Variants in SPRY3 observed in about 807,000 individuals in gnomAD.
SPRY3 encodes protein sprouty homolog 3.
Under a neutral mutation model 20.2 loss-of-function variants are expected in SPRY3, and 15 were observed. The observed-to-expected ratio is 0.74, with a 90% confidence interval of 0.50 to 1.14. The LOEUF (loss-of-function observed/expected upper bound fraction) is 1.14, where lower values mean the gene tolerates loss of function less well. Among genes scored for constraint, SPRY3 ranks in the 50% most tolerant of loss-of-function variants. The probability of loss-of-function intolerance (pLI) is 0.00; values close to 1 mark genes in which losing one functional copy is unlikely to be tolerated. For synonymous variants in SPRY3, 143 were observed against 136.5 expected (o/e 1.05, Z -0.33); for missense variants, 364 against 363.9 (o/e 1.00, Z 0.00).
chrX:155,749,729 G>C (rs1401900169), intron 2 of SPRY3, among the ~76,000 whole-genome samples: 1 of 151,780 alleles, frequency 6.6e-6, no homozygotes, highest in South Asian at 2.1e-4. Context: ...TTTGCCTGGG[G>C]AACTAGAATA....
At chrX:155,616,834 A>G (rs952023465) in intron 1 of SPRY3, among the ~76,000 whole-genome samples, 2 of 110,816 alleles carry the variant, frequency 1.8e-5, no homozygotes, top group Non-Finnish European at 3.8e-5. Flanking sequence ...GTTCAGGGCA[A>G]ACTAGGATGC....
At chrX:155,762,732 A>T (rs950170958) in intron 2 of SPRY3, among the ~76,000 whole-genome samples, 5 of 152,202 alleles carry the variant, frequency 3.3e-5, no homozygotes, top group Non-Finnish European at 7.3e-5. Context: ...TGCAGATAAA[A>T]GAGTATGCTT....
intron 2 of SPRY3, among the ~76,000 whole-genome samples, chrX:155,735,544 C>T (rs559038040): frequency 1.3e-5 from 2 of 151,902 alleles, no homozygotes; most frequent in African/African-American, 4.8e-5. Context: ...AGAGAATTGA[C>T]CCCTTTATTA....
chrX:155,726,764 C>A (rs766838745), intron 2 of SPRY3, among the ~76,000 whole-genome samples: 1 of 152,144 alleles, frequency 6.6e-6, no homozygotes, highest in South Asian at 2.1e-4. Flanking sequence ...TGGGTCTTGA[C>A]TCTTTATCCA....
chrX:155,687,873 A>G (rs1468000271), intron 2 of SPRY3, among the ~76,000 whole-genome samples: 1 of 112,891 alleles, frequency 8.9e-6, no homozygotes, highest in East Asian at 2.8e-4. Flanking sequence ...TATCCAAAGC[A>G]TGGAAAGTGA....
At chrX:155,733,353 A>G (rs1327514028) in intron 2 of SPRY3, among the ~76,000 whole-genome samples, 2 of 144,478 alleles carry the variant, frequency 1.4e-5, no homozygotes, top group Non-Finnish European at 3.0e-5. Flanking sequence ...ATATATATAT[A>G]CATATATGTA....
At chrX:155,767,445 A>C (rs306883) in intron 2 of SPRY3, among the ~76,000 whole-genome samples, 7,290 of 151,760 alleles carry the variant, frequency 0.048, 592 homozygotes, top group African/African-American at 0.17. Flanking sequence ...GGCGGTATCT[A>C]TTGCTCCGTT....
chrX:155,758,563 C>G (rs1393472818), intron 2 of SPRY3, among the ~76,000 whole-genome samples: 3 of 152,158 alleles, frequency 2.0e-5, no homozygotes, highest in Non-Finnish European at 4.4e-5. Flanking sequence ...AGCTTTTTAT[C>G]TGGCACTTCT....
chrX:155,706,286 A>C (rs892265495), intron 2 of SPRY3, among the ~76,000 whole-genome samples: 1 of 151,254 alleles, frequency 6.6e-6, no homozygotes, highest in African/African-American at 2.4e-5. Flanking sequence ...AAGAAATATG[A>C]AAGGGAATTT....
intron 1 of SPRY3, among the ~76,000 whole-genome samples, chrX:155,618,033 T>G (rs1240377250): frequency 8.9e-6 from 1 of 112,189 alleles, no homozygotes. Context: ...TATTTGAATT[T>G]TACCAGTTAC....
intron 3 of SPRY3, among the ~76,000 whole-genome samples, chrX:155,769,666 A>G (rs1371033388): frequency 6.6e-6 from 1 of 152,206 alleles, no homozygotes; most frequent in Non-Finnish European, 1.5e-5. Context: ...AAAGACCTAT[A>G]TCTTTTAACA....
chrX:155,653,112 C>T (rs2067982033), intron 1 of SPRY3, among the ~76,000 whole-genome samples: 1 of 111,418 alleles, frequency 9.0e-6, no homozygotes, highest in South Asian at 3.8e-4. Context: ...ATATTCTGAA[C>T]ACTAGATCCT....
intron 2 of SPRY3, among the ~76,000 whole-genome samples, chrX:155,749,948 G>C (rs2091252594): frequency 1.3e-5 from 2 of 151,748 alleles, no homozygotes; most frequent in South Asian, 4.2e-4. Flanking sequence ...GTTATTTAAA[G>C]TCATGAGACT....
chrX:155,756,041 G>A (rs2091282345), intron 2 of SPRY3, among the ~76,000 whole-genome samples: 1 of 152,064 alleles, frequency 6.6e-6, no homozygotes, highest in African/African-American at 2.4e-5. Context: ...TAACAGAAAA[G>A]AAACCCTTGT....
intron 2 of SPRY3, among the ~76,000 whole-genome samples, chrX:155,679,916 G>A (rs1273173073): frequency 9.1e-6 from 1 of 110,449 alleles, no homozygotes; most frequent in Non-Finnish European, 1.9e-5. Context: ...AGACATTCAA[G>A]GCAATGGAAA....
At chrX:155,758,817 TC>T (rs1317835040) in intron 2 of SPRY3, among the ~76,000 whole-genome samples, 20 of 152,210 alleles carry the variant, frequency 1.3e-4, no homozygotes, top group Admixed American at 6.5e-4. Context: ...TATTGGACTA[TC>T]ACATAAAGTT....
chrX:155,721,044 C>T (rs1399395267), intron 2 of SPRY3, among the ~76,000 whole-genome samples: 2 of 152,070 alleles, frequency 1.3e-5, no homozygotes, highest in African/African-American at 4.8e-5. Context: ...TATGAGATAA[C>T]ACAGAGAAGG....
intron 1 of SPRY3, among the ~76,000 whole-genome samples, chrX:155,617,780 A>G (rs781858892): frequency 8.9e-6 from 1 of 112,404 alleles, no homozygotes; most frequent in Admixed American, 9.4e-5. Flanking sequence ...TATTAGAGTA[A>G]GAAATAACAA....
At chrX:155,716,850 T>C (rs2091026392) in intron 2 of SPRY3, among the ~76,000 whole-genome samples, 1 of 151,378 alleles carries the variant, frequency 6.6e-6, no homozygotes, top group South Asian at 2.1e-4. Flanking sequence ...TAAGATATCA[T>C]TGGCCAGGCA....
Sources: gnomAD v4.1 joint callset for allele counts (sites outside exome capture counted in the v4.1 genomes callset) on GRCh38, gnomAD v4.1.1 for gene constraint, MANE v1.5 for transcripts, NCBI Gene and HGNC (gene_info 2026-07-23, HGNC 2026-07-21) for gene names.